ALDH9A1: variants seen among roughly 807,000 people sequenced by gnomAD.
ALDH9A1 encodes 4-trimethylaminobutyraldehyde dehydrogenase.
ALDH9A1 carries 42 observed loss-of-function variants against 56.6 expected under a neutral mutation model. That is an observed-to-expected ratio of 0.74 (90% confidence interval 0.58 to 0.96). The LOEUF (loss-of-function observed/expected upper bound fraction) is 0.96, where lower values mean the gene tolerates loss of function less well. Ranked by LOEUF, ALDH9A1 falls within the 40% of genes least tolerant of loss-of-function variation. The probability of loss-of-function intolerance (pLI) is 0.00; values close to 1 mark genes in which losing one functional copy is unlikely to be tolerated. For missense variants in ALDH9A1, 661 were observed against 651.5 expected, an observed-to-expected ratio of 1.01 and a Z score of -0.16; for synonymous variants, 242 against 236.0, an observed-to-expected ratio of 1.03 and a Z score of -0.23.
chr1:165,679,835 G>T (rs1649487717), intron 5 of ALDH9A1, among the ~76,000 whole-genome samples: 1 of 152,126 alleles, frequency 6.6e-6, no homozygotes. Flanking sequence ...AACATAGCAA[G>T]ACCCTATCTC....
chr1:165,679,084 A>C (rs938310461), intron 6 of ALDH9A1, among the ~76,000 whole-genome samples: 1 of 152,224 alleles, frequency 6.6e-6, no homozygotes, highest in East Asian at 1.9e-4. Context: ...TAACAGTACT[A>C]TATCAATGTT....
intron 6 of ALDH9A1, among the ~76,000 whole-genome samples, chr1:165,678,462 CAG>C (rs955429503): frequency 5.9e-5 from 9 of 152,084 alleles, no homozygotes; most frequent in East Asian, 1.9e-4. Context: ...GGAAAACAAA[CAG>C]GGGTGAAGGG....
At chr1:165,674,627 A>C (rs1558005256) in intron 6 of ALDH9A1, among the ~76,000 whole-genome samples, 1 of 148,426 alleles carries the variant, frequency 6.7e-6, no homozygotes, top group Non-Finnish European at 1.5e-5. Context: ...CGGAAGTTGC[A>C]GTGAGCTGAG....
At chr1:165,664,912 A>G in intron 10 of ALDH9A1, 106 bp downstream of exon 10, 1 of 840,590 alleles carries the variant, frequency 1.2e-6, no homozygotes, top group Non-Finnish European at 1.9e-6. Flanking sequence ...GTATTTCCCC[A>G]GGTAATTCAG....
At chr1:165,665,458 A>G (rs1648978337) in intron 9 of ALDH9A1, among the ~76,000 whole-genome samples, 1 of 152,228 alleles carries the variant, frequency 6.6e-6, no homozygotes. Flanking sequence ...ACCATACACA[A>G]AAATTAACTT....
In ALDH9A1 at chr1:165,672,945, AAAAAAATAAAAAAT is replaced by A. The variant is rs907107320; in HGVS notation, c.931-3509_931-3496del. On this transcript the variant is annotated intron_variant, in intron 6 of 10. Transcript: ENST00000354775. ...GAGTAAGATCCTGTCTCCAAAAAAT[AAAAAAATAAAAAAT>A]AAAAAAAATACAAACACACACACAC... Among the ~76,000 whole-genome samples the A allele has an allele frequency of 9.8e-5, 14 of 143,450 alleles. 2 individuals carry two copies. The highest frequency in any genetic ancestry group is 3.7e-4 in the African/African-American group (14 of 38,074). 94.1% of individuals were successfully genotyped at this position (143,450 alleles called of 152,430 possible). A position where few individuals can be genotyped will look rare whatever the true frequency, so the allele number is the denominator to read the frequency against.
intron 2 of ALDH9A1, among the ~76,000 whole-genome samples, chr1:165,690,771 G>C (rs1040730720): frequency 6.6e-6 from 1 of 152,210 alleles, no homozygotes; most frequent in South Asian, 2.1e-4. Flanking sequence ...TATAACAGCA[G>C]TCCAAGATGG....
intron 6 of ALDH9A1, 50 bp downstream of exon 6, chr1:165,679,392 A>T: frequency 1.3e-6 from 2 of 1,595,746 alleles, no homozygotes; most frequent in Non-Finnish European, 8.6e-7. Context: ...ACACTGTTGG[A>T]TGAGGGGGTA....
At position 165,662,941 on chromosome 1, in the gene ALDH9A1, C is replaced by T. The variant is rs534288190; in HGVS notation, c.*109G>A. The T allele has an allele frequency of 9.9e-5, 96 of 972,384 alleles. 1 individual carries two copies. In the Middle Eastern group the frequency reaches 1.1e-3, roughly 11 times the overall value. The allele number at this position is 972,384 out of a possible 1,614,324, so 60.2% of individuals were successfully genotyped here. A position where few individuals can be genotyped will look rare whatever the true frequency, so the allele number is the denominator to read the frequency against. Reference sequence around the variant, plus strand: ...ACATGAACCATTCTCTTATACTGAACGCCAAAATTCTGGATGTAAAATAAC... The same window carrying T: ...ACATGAACCATTCTCTTATACTGAATGCCAAAATTCTGGATGTAAAATAAC... On this transcript the variant is annotated 3_prime_UTR_variant, in exon 11 of 11. Coordinates refer to ENST00000354775, the MANE Select transcript of ALDH9A1 (RefSeq NM_000696.4).
chr1:165,694,027 G>C (rs1396873403), intron 2 of ALDH9A1, among the ~76,000 whole-genome samples: 3 of 136,424 alleles, frequency 2.2e-5, no homozygotes, highest in Non-Finnish European at 4.6e-5. Context: ...AGATCACTTG[G>C]ACACAGGGTG....
chr1:165,698,351 C>G (rs751107107), intron 1 of ALDH9A1, 27 bp downstream of exon 1: 19 of 1,574,636 alleles, frequency 1.2e-5, no homozygotes, highest in Non-Finnish European at 1.5e-5. Flanking sequence ...CCAGGGCGCC[C>G]CAGCCTCCCC....
chr1:165,681,333 T>C (rs1286428353), intron 4 of ALDH9A1, among the ~76,000 whole-genome samples: 1 of 152,210 alleles, frequency 6.6e-6, no homozygotes, highest in Admixed American at 6.5e-5. Context: ...GTAGGTATCA[T>C]TAGCTCCATT....
At chr1:165,696,445 ACT>A (rs1558014465) in intron 1 of ALDH9A1, among the ~76,000 whole-genome samples, 1 of 152,176 alleles carries the variant, frequency 6.6e-6, no homozygotes, top group African/African-American at 2.4e-5. Flanking sequence ...TGGGTTATAA[ACT>A]CTGACTGTAA....
At chr1:165,685,623 G>A (rs1225023368) in intron 2 of ALDH9A1, among the ~76,000 whole-genome samples, 3 of 152,184 alleles carry the variant, frequency 2.0e-5, no homozygotes, top group East Asian at 1.9e-4. Context: ...AGGTGTGACA[G>A]TATACACATG....
chr1:165,664,155 T>C (rs1301884290), intron 10 of ALDH9A1, among the ~76,000 whole-genome samples: 1 of 152,118 alleles, frequency 6.6e-6, no homozygotes, highest in Non-Finnish European at 1.5e-5. Context: ...AATAAGACTG[T>C]CAAATTAACA....
intron 10 of ALDH9A1, 92 bp downstream of exon 10, chr1:165,664,926 T>G (rs1291707058): frequency 1.0e-6 from 1 of 964,576 alleles, no homozygotes; most frequent in African/African-American, 1.6e-5. Flanking sequence ...AATTCAGATA[T>G]GCAGACAGGT....
At chr1:165,695,841 GT>G (rs1650065916) in intron 1 of ALDH9A1, among the ~76,000 whole-genome samples, 1 of 150,528 alleles carries the variant, frequency 6.6e-6, no homozygotes, top group African/African-American at 2.4e-5. Context: ...ATACTAGCAG[GT>G]TTTTTTGTTT....
intron 2 of ALDH9A1, among the ~76,000 whole-genome samples, chr1:165,689,954 T>C (rs1344242867): frequency 2.4e-5 from 2 of 83,524 alleles, no homozygotes; most frequent in South Asian, 9.3e-4. Context: ...TAATAATAAA[T>C]AAACAGAAAT....
intron 6 of ALDH9A1, among the ~76,000 whole-genome samples, chr1:165,673,339 T>C (rs1203924922): frequency 6.6e-6 from 1 of 152,204 alleles, no homozygotes; most frequent in Non-Finnish European, 1.5e-5. Context: ...GAAATCTTGG[T>C]ATACTGCTGG....
Sources: allele counts gnomAD v4.1 joint callset (sites outside exome capture counted in the v4.1 genomes callset), GRCh38; gene constraint gnomAD v4.1.1; transcripts MANE v1.5; gene names NCBI Gene and HGNC (gene_info 2026-07-23, HGNC 2026-07-21).